ELAVL4: variants seen among roughly 807,000 people sequenced by gnomAD.
ELAVL4 encodes the protein ELAV like RNA binding protein 4.
In ELAVL4, 1 loss-of-function variant was observed where a neutral mutation model predicts 35.6. The observed-to-expected ratio is 0.03, with a 90% CI of 0.01 to 0.13. The LOEUF (loss-of-function observed/expected upper bound fraction) is 0.13, where lower values mean the gene tolerates loss of function less well. ELAVL4 is among the 10% of genes least tolerant of loss of function. ELAVL4 has a pLI of 1.00. For missense variants in ELAVL4, 267 were observed against 464.9 expected (o/e 0.57, Z 3.91); for synonymous variants, 156 against 171.0 (o/e 0.91, Z 0.69).
intron 1 of ELAVL4, among the ~76,000 whole-genome samples, chr1:50,078,641 G>A (rs1460702926): frequency 6.6e-6 from 1 of 152,166 alleles, no homozygotes; most frequent in Non-Finnish European, 1.5e-5. Flanking sequence ...GGAACATTCA[G>A]TTCGTCCTAC....
At chr1:50,060,141 G>C (rs1663885811) in intron 1 of ELAVL4, among the ~76,000 whole-genome samples, 1 of 152,184 alleles carries the variant, frequency 6.6e-6, no homozygotes, top group Admixed American at 6.5e-5. Context: ...CTGTGCTACA[G>C]AATTGAAATG....
intron 3 of ELAVL4, among the ~76,000 whole-genome samples, chr1:50,191,234 T>C (rs1055039029): frequency 6.6e-5 from 10 of 152,210 alleles, no homozygotes; most frequent in Non-Finnish European, 1.3e-4. Context: ...TGTACCTGGC[T>C]CATAGTAGAT....
intron 3 of ELAVL4, among the ~76,000 whole-genome samples, chr1:50,183,092 A>G (rs891961177): frequency 6.6e-6 from 1 of 152,080 alleles, no homozygotes; most frequent in Non-Finnish European, 1.5e-5. Flanking sequence ...TCCTGACCTC[A>G]AGTGATCTGC....
chr1:50,176,442 G>T (rs1474176734), intron 2 of ELAVL4, among the ~76,000 whole-genome samples: 1 of 152,200 alleles, frequency 6.6e-6, no homozygotes, highest in Non-Finnish European at 1.5e-5. Flanking sequence ...ACATCCCTCT[G>T]AATGTGGGTG....
At chr1:50,183,461 A>C (rs947957870) in intron 3 of ELAVL4, among the ~76,000 whole-genome samples, 2 of 152,060 alleles carry the variant, frequency 1.3e-5, no homozygotes, top group African/African-American at 4.8e-5. Flanking sequence ...AGGAGTAGAG[A>C]AGGGGAAGGT....
At chr1:50,179,649 AC>A (rs970722120) in intron 3 of ELAVL4, 5 of 152,224 alleles carry the variant, frequency 3.3e-5, no homozygotes, top group Non-Finnish European at 7.3e-5. Context: ...CTGGAAAAAA[AC>A]CAAGTATCTT....
In ELAVL4 at chr1:50,050,134, T is replaced by C. The variant is rs183844952; in HGVS notation, c.18+1952T>C. ...AATTTTTTGGTCCTTCCTGCCACTT[T>C]TTTCGCCATAGATACATGGGGTTAA... On this transcript the variant is annotated intron_variant, in intron 1 of 6. Coordinates refer to the ELAVL4 transcript ENST00000448907. 7.0e-4 allele frequency among the ~76,000 whole-genome samples: 107 copies of C among 152,364 alleles called. 1 individual carries two copies. The highest frequency in any genetic ancestry group is 1.2e-3 in the Non-Finnish European group (81 of 68,042).
intron 3 of ELAVL4, among the ~76,000 whole-genome samples, chr1:50,191,707 G>A (rs1307165792): frequency 6.6e-6 from 1 of 152,160 alleles, no homozygotes; most frequent in African/African-American, 2.4e-5. Flanking sequence ...GGTGAGATTA[G>A]AGAAAGCTGC....
At chr1:50,050,907 G>A (rs1289343557) in intron 1 of ELAVL4, among the ~76,000 whole-genome samples, 3 of 152,084 alleles carry the variant, frequency 2.0e-5, no homozygotes, top group Admixed American at 6.5e-5. Context: ...CACAGTACCA[G>A]GCACATGGTA....
chr1:50,075,892 A>C (rs1258721492), intron 1 of ELAVL4, among the ~76,000 whole-genome samples: 1 of 152,032 alleles, frequency 6.6e-6, no homozygotes. Flanking sequence ...AAGTGGCATG[A>C]TCTCGGCTCG....
chr1:50,113,564 G>T (rs1163979009), intron 1 of ELAVL4, among the ~76,000 whole-genome samples: 9 of 152,130 alleles, frequency 5.9e-5, no homozygotes, highest in African/African-American at 1.2e-4. Context: ...GAGCTGGCCA[G>T]AGGATGCTAA....
At chr1:50,060,331 G>A (rs1253202845) in intron 1 of ELAVL4, among the ~76,000 whole-genome samples, 2 of 152,172 alleles carry the variant, frequency 1.3e-5, no homozygotes, top group South Asian at 2.1e-4. Context: ...TCAAAAGCTC[G>A]ACTTCCAACA....
intron 1 of ELAVL4, among the ~76,000 whole-genome samples, chr1:50,067,361 T>A (rs897233064): frequency 6.6e-6 from 1 of 152,180 alleles, no homozygotes; most frequent in African/African-American, 2.4e-5. Flanking sequence ...GGGAACCATA[T>A]CATGTATTTA....
chr1:50,180,507 C>T (rs1680855563), intron 3 of ELAVL4: 1 of 152,196 alleles, frequency 6.6e-6, no homozygotes, highest in Admixed American at 6.6e-5. Flanking sequence ...TGTTACATGA[C>T]TCTGTGTGAA....
upstream of ELAVL4, among the ~76,000 whole-genome samples, chr1:50,101,759 C>T (rs1335847297): frequency 6.6e-6 from 1 of 152,050 alleles, no homozygotes. Context: ...AAGAAAAATT[C>T]TTAATTAATA....
Position 50,048,282 on chromosome 1 carries a change from G to C in ELAVL4, c.18+100G>C, listed in dbSNP as rs146891091. 383 of 1,351,240 alleles carry C rather than the reference G, an allele frequency of 2.8e-4. 4 individuals carry two copies. The East Asian group carries it at 0.012, about 41-fold the overall frequency. 83.7% of individuals were successfully genotyped at this position (1,351,240 alleles called of 1,614,324 possible). The stretch of plus-strand genomic sequence containing the variant: ...TGGTCGCGACTGGCTTCTCCCAGCG[G>C]CCAGCCTGGCCACCCCGACTCCCAG... On this transcript the variant is annotated intron_variant, in intron 1 of 6. Transcript: ENST00000448907.
chr1:50,055,537 G>C (rs1401357188), intron 1 of ELAVL4, among the ~76,000 whole-genome samples: 1 of 151,896 alleles, frequency 6.6e-6, no homozygotes, highest in East Asian at 1.9e-4. Context: ...CTGACCTCGT[G>C]ATCCACCCGC....
intron 1 of ELAVL4, among the ~76,000 whole-genome samples, chr1:50,142,075 A>T (rs1349738691): frequency 6.6e-6 from 1 of 152,230 alleles, no homozygotes. Flanking sequence ...ATTATCTCTC[A>T]TCCTGAAGAT....
intron 2 of ELAVL4, among the ~76,000 whole-genome samples, chr1:50,152,565 G>A (rs1166485840): frequency 2.0e-5 from 3 of 152,068 alleles, no homozygotes; most frequent in Non-Finnish European, 2.9e-5. Context: ...TCAGCTTCAG[G>A]GTAGGAGGAA....
Sources: allele counts gnomAD v4.1 joint callset (sites outside exome capture counted in the v4.1 genomes callset), GRCh38; gene constraint gnomAD v4.1.1; transcripts MANE v1.5; gene names NCBI Gene and HGNC (gene_info 2026-07-23, HGNC 2026-07-21).